CEP170: variants seen among roughly 807,000 people sequenced by gnomAD.
CEP170 encodes the protein centrosomal protein 170.
Under a neutral mutation model 151.9 loss-of-function variants are expected in CEP170, and 21 were observed. The observed-to-expected ratio is 0.14, with a 90% confidence interval of 0.10 to 0.20. The LOEUF is 0.20. Among genes scored for constraint, CEP170 ranks in the 10% least tolerant of loss-of-function variants. The probability of loss-of-function intolerance (pLI) is 1.00; values close to 1 mark genes in which losing one functional copy is unlikely to be tolerated. For missense variants in CEP170, 964 were observed against 1,892.9 expected (o/e 0.51, Z 9.11); for synonymous variants, 356 against 648.8 (o/e 0.55, Z 6.86).
chr1:243,206,996 C>T (rs1040983318), intron 4 of CEP170, among the ~76,000 whole-genome samples: 18 of 152,122 alleles, frequency 1.2e-4, no homozygotes, highest in Middle Eastern at 3.4e-3. Context: ...CAAATGAAAT[C>T]AGAAACAGGG....
rs1420080286 is a variant in CEP170, at chr1:243,124,432, G to A, written c.*2017C>T. On this transcript the variant is annotated 3_prime_UTR_variant, in exon 20 of 20. Coordinates refer to ENST00000366542, the MANE Select transcript of CEP170 (RefSeq NM_014812.3). ...ATAAAATATACAATCATTGTATAAA[G>A]TTCCAGAAACACTTTATTTAAAAAT... 6.6e-6 allele frequency: 1 copy of A among 152,520 alleles called. No individual in the cohort carries two copies. The highest frequency in any genetic ancestry group is 1.5e-5 in the Non-Finnish European group (1 of 67,988). The allele number at this position is 152,520 out of a possible 1,614,324, so 9.4% of individuals were successfully genotyped here.
At chr1:243,202,598 C>T (rs2061126777) in intron 4 of CEP170, among the ~76,000 whole-genome samples, 1 of 151,932 alleles carries the variant, frequency 6.6e-6, no homozygotes, top group African/African-American at 2.4e-5. Context: ...TAGGGCATGA[C>T]TACTGCAGAT....
intron 1 of CEP170, among the ~76,000 whole-genome samples, chr1:243,248,233 G>A (rs1372047299): frequency 3.3e-5 from 5 of 152,190 alleles, no homozygotes; most frequent in Non-Finnish European, 1.5e-5. Context: ...GGTGATTAAA[G>A]GTGATACAGG....
intron 1 of CEP170, among the ~76,000 whole-genome samples, chr1:243,236,237 C>T (rs899226912): frequency 6.6e-6 from 1 of 152,216 alleles, no homozygotes; most frequent in Non-Finnish European, 1.5e-5. Flanking sequence ...AGATTCAAAT[C>T]TGGGCCTTCA....
chr1:243,172,642 A>T (rs2058937137), intron 11 of CEP170, 55 bp downstream of exon 11: 6 of 1,420,304 alleles, frequency 4.2e-6, no homozygotes. Context: ...AGACAAGAAA[A>T]AAAAAAGAAT....
intron 10 of CEP170, chr1:243,174,893 T>C (rs535720219): frequency 7.9e-5 from 12 of 152,316 alleles, no homozygotes; most frequent in Non-Finnish European, 1.5e-4. Flanking sequence ...TGTCCGTCTT[T>C]AAAAAAGTTA....
chr1:243,233,985 T>C (rs1487179974), intron 1 of CEP170, among the ~76,000 whole-genome samples: 1 of 151,828 alleles, frequency 6.6e-6, no homozygotes, highest in Non-Finnish European at 1.5e-5. Flanking sequence ...TGAGAAAAAA[T>C]CATTATTCTA....
intron 1 of CEP170, among the ~76,000 whole-genome samples, chr1:243,233,284 A>G (rs553680333): frequency 7.2e-5 from 11 of 152,344 alleles, no homozygotes; most frequent in Admixed American, 5.2e-4. Context: ...TTTCCTGCTA[A>G]ATCAGAGTTC....
In CEP170 at chr1:243,166,069, C is replaced by T; in HGVS notation, c.1891G>A (p.Ala631Thr). Residue 631 changes from alanine to threonine, a missense_variant, in exon 13 of 20, where the codon GCA becomes ACA. Physicochemically the swap from Ala to Thr is moderately conservative, Grantham distance 58. Coordinates refer to ENST00000366542, the MANE Select transcript of CEP170 (RefSeq NM_014812.3). ...SGMTVRSTGS[A>T]TSLASQGERR... Reference sequence around the variant, plus strand: ...TCTCCCTGGCTAGCCAAGGAAGTTGCAGAGCCAGTACTTCTCACTGTCATG... The same window carrying T: ...TCTCCCTGGCTAGCCAAGGAAGTTGTAGAGCCAGTACTTCTCACTGTCATG... 6.2e-7 allele frequency: 1 copy of T among 1,612,572 alleles called. No individual in the cohort carries two copies. The highest frequency in any genetic ancestry group is 2.2e-5 in the East Asian group (1 of 44,864).
At chr1:243,196,388 A>C (rs1484634842) in intron 7 of CEP170, among the ~76,000 whole-genome samples, 1 of 152,086 alleles carries the variant, frequency 6.6e-6, no homozygotes, top group Non-Finnish European at 1.5e-5. Context: ...CCGTAACTGT[A>C]CCTTTAGGTA....
chr1:243,140,369 T>C, intron 15 of CEP170: 1 of 336,926 alleles, frequency 3.0e-6, no homozygotes, highest in Non-Finnish European at 4.9e-6. Flanking sequence ...CTTCCATGGA[T>C]AAGATTTTCT....
chr1:243,151,768 T>A (rs2148417756), intron 14 of CEP170, among the ~76,000 whole-genome samples: 1 of 152,380 alleles, frequency 6.6e-6, no homozygotes, highest in East Asian at 1.9e-4. Context: ...ATTTTCAATG[T>A]TGATAAAACA....
intron 1 of CEP170, among the ~76,000 whole-genome samples, chr1:243,231,208 C>T (rs61833883): frequency 1.3e-3 from 190 of 141,606 alleles, no homozygotes; most frequent in African/African-American, 3.6e-3. Context: ...TTATTATTAT[C>T]ATCATTATTA....
In CEP170 at chr1:243,126,278, A is replaced by C. The variant is rs2053689106; in HGVS notation, c.*171T>G. 1 of 778,912 alleles carries C rather than the reference A, an allele frequency of 1.3e-6. No individual in the cohort carries two copies. The highest frequency in any genetic ancestry group is 2.2e-6 in the Non-Finnish European group (1 of 447,774). 48.3% of individuals were successfully genotyped at this position (778,912 alleles called of 1,614,324 possible). On this transcript the variant is annotated 3_prime_UTR_variant, in exon 20 of 20. Coordinates refer to ENST00000366542, the MANE Select transcript of CEP170 (RefSeq NM_014812.3). Reference sequence around the variant, plus strand: ...CAAGTGGTTATCTAAATAGTTTGAAAGGATTGATATACTACATTATACGTC... The same window carrying C: ...CAAGTGGTTATCTAAATAGTTTGAACGGATTGATATACTACATTATACGTC...
chr1:243,208,610 T>C (rs1239004157), intron 4 of CEP170, among the ~76,000 whole-genome samples: 2 of 151,590 alleles, frequency 1.3e-5, no homozygotes, highest in Non-Finnish European at 2.9e-5. Flanking sequence ...TATATCCATA[T>C]GGCTAACTTC....
At chr1:243,132,486 T>C (rs2054539070) in intron 17 of CEP170, among the ~76,000 whole-genome samples, 1 of 152,218 alleles carries the variant, frequency 6.6e-6, no homozygotes, top group African/African-American at 2.4e-5. Flanking sequence ...AAGCCTGCCA[T>C]AGTGCTTTAT....
intron 14 of CEP170, among the ~76,000 whole-genome samples, chr1:243,145,101 T>C (rs2056312066): frequency 1.3e-5 from 2 of 152,142 alleles, no homozygotes. Flanking sequence ...TTTGGGTATA[T>C]TGGAAGATTA....
intron 3 of CEP170, among the ~76,000 whole-genome samples, chr1:243,217,479 G>A (rs888281074): frequency 1.3e-5 from 2 of 152,142 alleles, no homozygotes; most frequent in African/African-American, 4.8e-5. Context: ...CACCTGTTGT[G>A]TGTTGAACAT....
rs567010996 is a variant in CEP170 at position 243,172,203 on chromosome 1, C to G, written c.1716+494G>C. On this transcript the variant is annotated intron_variant, in intron 11 of 19. Transcript: ENST00000366542. ...CTCATTGACAAATGAATATTTCTAA[C>G]ACCTAATAAAAATTAAAGTTGAATT... is the stretch of plus-strand genomic sequence containing the variant. Among the ~76,000 whole-genome samples the G allele has an allele frequency of 1.5e-3, 227 of 152,296 alleles. 2 individuals carry two copies. The highest frequency in any genetic ancestry group is 2.7e-3 in the Non-Finnish European group (183 of 68,018).
Sources: allele counts gnomAD v4.1 joint callset (sites outside exome capture counted in the v4.1 genomes callset), GRCh38; gene constraint gnomAD v4.1.1; transcripts MANE v1.5; gene names NCBI Gene and HGNC (gene_info 2026-07-23, HGNC 2026-07-21).